The following RUFY3 variants were observed in gnomAD, a reference collection of about 807,000 sequenced individuals.
The protein encoded by RUFY3 is protein RUFY3.
RUFY3 carries 34 observed loss-of-function variants against 84.0 expected under a neutral mutation model. The observed-to-expected ratio is 0.40, with a 90% CI of 0.31 to 0.54. The LOEUF (loss-of-function observed/expected upper bound fraction) is 0.54. Among genes scored for constraint, RUFY3 ranks in the 20% least tolerant of loss-of-function variants. RUFY3 has a pLI of 0.39. For synonymous variants in RUFY3, 242 were observed against 252.9 expected, an observed-to-expected ratio of 0.96 and a Z score of 0.41; for missense variants, 507 against 736.8, an observed-to-expected ratio of 0.69 and a Z score of 3.61.
chr4:70,704,867 G>C, exon 1 of RUFY3: 1 of 1,056,680 alleles, frequency 9.5e-7, no homozygotes, highest in Non-Finnish European at 1.2e-6. Flanking sequence ...GCGGCTCCTC[G>C]CCCTGACCCT....
chr4:70,773,825 T>C (rs1028110694), intron 6 of RUFY3, among the ~76,000 whole-genome samples: 3 of 152,234 alleles, frequency 2.0e-5, no homozygotes, highest in African/African-American at 7.2e-5. Flanking sequence ...ACAAATTTTC[T>C]AAAGGATTCC....
chr4:70,712,520 A>G (rs1298252264), intron 1 of RUFY3, among the ~76,000 whole-genome samples: 3 of 152,178 alleles, frequency 2.0e-5, no homozygotes, highest in African/African-American at 7.2e-5. Flanking sequence ...GCCTCAAAAC[A>G]TATTCACTTG....
At chr4:70,710,627 G>T (rs958751554) in intron 1 of RUFY3, among the ~76,000 whole-genome samples, 3 of 151,808 alleles carry the variant, frequency 2.0e-5, no homozygotes, top group Non-Finnish European at 4.4e-5. Flanking sequence ...CCGAGATTGC[G>T]CCATTGTACT....
intron 7 of RUFY3, among the ~76,000 whole-genome samples, chr4:70,777,176 T>C (rs1016702123): frequency 6.6e-5 from 10 of 152,210 alleles, no homozygotes; most frequent in Non-Finnish European, 4.4e-5. Flanking sequence ...CAGTATCTTA[T>C]TGTACTATTC....
At chr4:70,772,965 G>A (rs1193233663) in intron 5 of RUFY3, among the ~76,000 whole-genome samples, 1 of 152,076 alleles carries the variant, frequency 6.6e-6, no homozygotes, top group African/African-American at 2.4e-5. Flanking sequence ...CCGGCCTTTG[G>A]TGTGGATTTT....
chr4:70,803,469 A>G (rs574221807), intron 16 of RUFY3, among the ~76,000 whole-genome samples: 1 of 150,384 alleles, frequency 6.6e-6, no homozygotes, highest in South Asian at 2.1e-4. Context: ...TTTTTTTTAA[A>G]TGGAGATAAG....
At chr4:70,720,150 C>T (rs1281482875), upstream of RUFY3, among the ~76,000 whole-genome samples, 1 of 152,130 alleles carries the variant, frequency 6.6e-6, no homozygotes, top group African/African-American at 2.4e-5. Flanking sequence ...CTCCTGGCCT[C>T]ACGTGATTCT....
chr4:70,789,110 A>G (rs1730389398), intron 11 of RUFY3, 137 bp downstream of exon 11: 6 of 1,416,218 alleles, frequency 4.2e-6, no homozygotes, highest in African/African-American at 1.4e-5. Context: ...GCTGCCAGTA[A>G]ACTACTTTCA....
Position 70,722,514 on chromosome 4 carries a change from GGTGTGT to G in RUFY3, c.-52_-47del, listed in dbSNP as rs778412246. Reference sequence around the variant, plus strand: ...GTGAGGAGGTTGTATTTATTTTTTTGGTGTGTGTGTGTGAGTGTGTGTGTGTCTGTG... The same window carrying G: ...GTGAGGAGGTTGTATTTATTTTTTTGGTGTGTGAGTGTGTGTGTGTCTGTG... On this transcript the variant is annotated 5_prime_UTR_variant, in exon 1 of 18. Transcript: ENST00000381006. 3 of 1,430,880 alleles carry G rather than the reference GGTGTGT, an allele frequency of 2.1e-6. No homozygotes were observed. Among genetic ancestry groups the G allele is most frequent in the South Asian group, 3.3e-5 (2 of 60,330 alleles). 88.6% of individuals were successfully genotyped at this position (1,430,880 alleles called of 1,614,324 possible).
Position 70,800,187 on chromosome 4 carries a change from C to T in RUFY3, c.1604C>T (p.Pro535Leu). The change falls in exon 15 of 18, where the codon CCC becomes CTC. Residue 535 changes from proline to leucine, a missense_variant. Pro to Leu is a moderately conservative substitution (Grantham distance 98). Transcript: ENST00000381006. ...MQEENVKLKKPLEESHRLQPH... is the reference protein window; with the variant it reads ...MQEENVKLKKLLEESHRLQPH... ...GAGGAAAATGTTAAACTAAAAAAGCCCCTGGAAGAAAGCCACAGGTGTTTG... is the reference window on the plus strand; with the variant it reads ...GAGGAAAATGTTAAACTAAAAAAGCTCCTGGAAGAAAGCCACAGGTGTTTG... 1 of 1,604,278 alleles carries T rather than the reference C, an allele frequency of 6.2e-7. No individual in the cohort carries two copies. Among genetic ancestry groups the T allele is most frequent in the Non-Finnish European group, 8.5e-7 (1 of 1,177,172 alleles).
rs753860838 is a variant in RUFY3 at position 70,789,554 on chromosome 4, T to C, written c.1299T>C (p.Thr433=). The C allele has an allele frequency of 1.2e-6, 2 of 1,612,926 alleles. No individual in the cohort carries two copies. Among genetic ancestry groups the C allele is most frequent in the Non-Finnish European group, 1.7e-6 (2 of 1,179,360 alleles). ...SELNSRLEEK[T]NQMAATIKQL... ...TAAACAGTCGCTTGGAAGAGAAGAC[T>C]AATCAGATGGCTGCTACCATTAAAC... Residue 433 remains threonine (T), a synonymous_variant, in exon 12 of 18, where the codon ACT becomes ACC. Transcript: ENST00000381006.
chr4:70,790,262 AACC>A (rs1730589361), intron 12 of RUFY3, among the ~76,000 whole-genome samples: 1 of 152,146 alleles, frequency 6.6e-6, no homozygotes, highest in African/African-American at 2.4e-5. Context: ...GCTTATGTGA[AACC>A]ACCATTTTCT....
At chr4:70,706,138 T>C (rs552562308) in intron 1 of RUFY3, among the ~76,000 whole-genome samples, 1 of 152,282 alleles carries the variant, frequency 6.6e-6, no homozygotes, top group East Asian at 1.9e-4. Context: ...CTTAGAGGAA[T>C]GTTAAATCTG....
intron 1 of RUFY3, among the ~76,000 whole-genome samples, chr4:70,748,219 A>G (rs1279544905): frequency 6.6e-6 from 1 of 152,164 alleles, no homozygotes; most frequent in Non-Finnish European, 1.5e-5. Context: ...ATCCAAGTCT[A>G]GTTTCAGAGA....
chr4:70,752,215 A>G (rs1723255414), intron 1 of RUFY3, among the ~76,000 whole-genome samples: 1 of 152,096 alleles, frequency 6.6e-6, no homozygotes, highest in Non-Finnish European at 1.5e-5. Context: ...TTCTTTTTCG[A>G]ATTGTTTGTT....
chr4:70,723,153 A>G (rs1717650471), intron 1 of RUFY3, among the ~76,000 whole-genome samples: 1 of 152,234 alleles, frequency 6.6e-6, no homozygotes, highest in Non-Finnish European at 1.5e-5. Context: ...ATAGGATTGT[A>G]CATGATGAAT....
At position 70,781,039 on chromosome 4, in the gene RUFY3, A is replaced by G. The variant is rs140617070; in HGVS notation, c.895-2052A>G. Among the ~76,000 whole-genome samples, 1,161 of 151,542 alleles carry G rather than the reference A, an allele frequency of 7.7e-3. 10 individuals carry two copies. Among genetic ancestry groups the G allele is most frequent in the Non-Finnish European group, 0.012 (791 of 67,850 alleles). On this transcript the variant is annotated intron_variant, in intron 8 of 17. Transcript: ENST00000381006. ...CAAGGTGGGTGGATCGCTTGAGGCCAGGATTCCAAAACCAGCGTGGGCAAC... is the reference window on the plus strand; with the variant it reads ...CAAGGTGGGTGGATCGCTTGAGGCCGGGATTCCAAAACCAGCGTGGGCAAC...
intron 10 of RUFY3, among the ~76,000 whole-genome samples, chr4:70,787,849 T>A (rs1405621783): frequency 6.6e-6 from 1 of 152,054 alleles, no homozygotes; most frequent in East Asian, 1.9e-4. Context: ...GGAAAGAAAC[T>A]AAGAAAGTAT....
intron 13 of RUFY3, 135 bp downstream of exon 13, chr4:70,794,039 A>G: frequency 2.1e-6 from 2 of 958,492 alleles, no homozygotes; most frequent in Non-Finnish European, 3.0e-6. Context: ...ATTGGAATTC[A>G]GAAAGCTTCA....
Sources: gnomAD v4.1 joint callset for allele counts (sites outside exome capture counted in the v4.1 genomes callset) on GRCh38, gnomAD v4.1.1 for gene constraint, MANE v1.5 for transcripts, NCBI Gene and HGNC (gene_info 2026-07-23, HGNC 2026-07-21) for gene names.